PCDH11X: variants seen among roughly 807,000 people sequenced by gnomAD.
PCDH11X encodes the protein protocadherin-11 X-linked.
Under a neutral mutation model 53.3 loss-of-function variants are expected in PCDH11X, and 18 were observed. The ratio of observed to expected loss-of-function variants is 0.34; its 90% confidence interval spans 0.23 to 0.50. The LOEUF (loss-of-function observed/expected upper bound fraction) is 0.50. PCDH11X is among the 20% of genes least tolerant of loss of function. PCDH11X has a pLI of 0.98. For missense variants in PCDH11X, 570 were observed against 1,032.4 expected (o/e 0.55, Z 6.14); for synonymous variants, 279 against 393.3 (o/e 0.71, Z 3.44).
chrX:91,874,353 C>T (rs1939482866), intron 5 of PCDH11X, among the ~76,000 whole-genome samples: 1 of 109,908 alleles, frequency 9.1e-6, no homozygotes, highest in Non-Finnish European at 1.9e-5. Context: ...TGCTAATTTT[C>T]AAATATAAAT....
At chrX:92,223,125 A>T (rs1603207833) in intron 7 of PCDH11X, among the ~76,000 whole-genome samples, 1 of 112,504 alleles carries the variant, frequency 8.9e-6, no homozygotes, top group East Asian at 2.8e-4. Flanking sequence ...TGCTGGGATT[A>T]CAGGCGTGAG....
intron 6 of PCDH11X, among the ~76,000 whole-genome samples, chrX:92,198,807 T>C (rs1390244505): frequency 9.0e-6 from 1 of 111,498 alleles, no homozygotes; most frequent in Admixed American, 9.6e-5. Flanking sequence ...GAGAAATAAT[T>C]CTCACTTCTG....
At chrX:92,417,729 T>A (rs1330554148) in intron 9 of PCDH11X, among the ~76,000 whole-genome samples, 2 of 109,974 alleles carry the variant, frequency 1.8e-5, no homozygotes, top group Non-Finnish European at 3.8e-5. Context: ...GCTTAGCTAG[T>A]TGCCTAATGT....
At chrX:92,236,520 C>T (rs1327003795) in intron 7 of PCDH11X, among the ~76,000 whole-genome samples, 5 of 110,941 alleles carry the variant, frequency 4.5e-5, no homozygotes, top group Non-Finnish European at 9.5e-5. Context: ...ACCTTACTGC[C>T]TTGATGCTCC....
intron 10 of PCDH11X, among the ~76,000 whole-genome samples, chrX:92,473,350 C>T (rs1201803702): frequency 9.0e-6 from 1 of 111,398 alleles, no homozygotes; most frequent in Non-Finnish European, 1.9e-5. Context: ...TCTCTTTTCT[C>T]TTAGTCTGGC....
rs890836556 is a variant in PCDH11X, at chrX:91,984,183, C to T, written c.3033+104910C>T. On this transcript the variant is annotated intron_variant, in intron 6 of 10. Coordinates refer to ENST00000682573, the MANE Select transcript of PCDH11X (RefSeq NM_032968.5). ...AATTTTTACTCTACCTTATTGAAAC[C>T]GTTTTAATAGATTTTTACTCATTAG... Among the ~76,000 whole-genome samples, 3 of 95,284 alleles carry T rather than the reference C, an allele frequency of 3.1e-5. 1 individual carries two copies. Among genetic ancestry groups the T allele is most frequent in the Non-Finnish European group, 6.2e-5 (3 of 48,494 alleles). The allele number at this position is 95,284 out of a possible 115,157, so 82.7% of individuals were successfully genotyped here.
At chrX:92,007,768 C>T in intron 6 of PCDH11X, among the ~76,000 whole-genome samples, 1 of 112,179 alleles carries the variant, frequency 8.9e-6, no homozygotes, top group Non-Finnish European at 1.9e-5. Flanking sequence ...CACCTGGAGC[C>T]AGCCCATCTC....
intron 7 of PCDH11X, among the ~76,000 whole-genome samples, chrX:92,253,718 T>G (rs1040207972): frequency 8.9e-6 from 1 of 111,921 alleles, no homozygotes; most frequent in Admixed American, 9.5e-5. Flanking sequence ...ATGGGATTAC[T>G]TTTTTAATCT....
intron 7 of PCDH11X, among the ~76,000 whole-genome samples, chrX:92,232,950 C>G (rs1384803600): frequency 9.0e-6 from 1 of 111,516 alleles, no homozygotes; most frequent in Non-Finnish European, 1.9e-5. Context: ...CTCCCGACCT[C>G]CTGATCCGCC....
rs768464121 is a variant in PCDH11X at position 91,878,076 on chromosome X, G to C, written c.1836G>C (p.Glu612Asp). The part of the protein sequence containing the change: ...NSAVTLSILD[E>D]NDDFTIDSQT... ...CAGTTACGCTCTCCATTTTAGATGA[G>C]AATGATGACTTCACCATTGATTCAC... The change falls in exon 6 of 11, where the codon GAG becomes GAC. Residue 612 changes from glutamate to aspartate, a missense_variant. This residue lies in a region of PCDH11X where 226 missense variants were observed against 457.5 expected (regional missense o/e 0.49). Coordinates refer to ENST00000682573, the MANE Select transcript of PCDH11X (RefSeq NM_032968.5). 5.8e-6 allele frequency: 7 copies of C among 1,206,607 alleles called. No homozygotes were observed. Among genetic ancestry groups the C allele is most frequent in the South Asian group, 1.8e-5 (1 of 56,688 alleles).
At chrX:92,406,881 C>G (rs1378963573) in intron 9 of PCDH11X, among the ~76,000 whole-genome samples, 1 of 103,068 alleles carries the variant, frequency 9.7e-6, no homozygotes, top group Non-Finnish European at 2.0e-5. Flanking sequence ...AAGCCGAGAT[C>G]GCGCCACTGC....
At chrX:92,100,069 A>G (rs968885874) in intron 6 of PCDH11X, among the ~76,000 whole-genome samples, 3 of 111,788 alleles carry the variant, frequency 2.7e-5, no homozygotes, top group African/African-American at 9.7e-5. Context: ...TAGTTCATAT[A>G]TTTTCCCTTA....
chrX:92,286,415 G>A lies in PCDH11X; in HGVS notation c.3144+23272G>A, dbSNP rs1263148423. ...TTTGAAAAATAAAGTGAGAAGTTAA[G>A]CATTGTTCCTCTTAAGGTTTTAAAT... On this transcript the variant is annotated intron_variant, in intron 8 of 10. Coordinates refer to ENST00000682573, the MANE Select transcript of PCDH11X (RefSeq NM_032968.5). 5.1e-5 allele frequency among the ~76,000 whole-genome samples: 5 copies of A among 97,182 alleles called. No individual in the cohort carries two copies. In the South Asian group the frequency reaches 1.9e-3, roughly 38 times the overall value. The allele number at this position is 97,182 out of a possible 115,157, so 84.4% of individuals were successfully genotyped here.
intron 10 of PCDH11X, among the ~76,000 whole-genome samples, chrX:92,552,828 A>G (rs2074981324): frequency 1.8e-5 from 2 of 111,187 alleles, no homozygotes; most frequent in African/African-American, 6.5e-5. Flanking sequence ...TATATGATTT[A>G]TCACATTGAT....
At chrX:91,961,722 TCTC>T (rs1305448332) in intron 6 of PCDH11X, among the ~76,000 whole-genome samples, 4 of 104,841 alleles carry the variant, frequency 3.8e-5, no homozygotes, top group Non-Finnish European at 7.8e-5. Flanking sequence ...ATTAGTCTCT[TCTC>T]ATTCTGGTAA....
rs2066841577 is a variant in PCDH11X, at chrX:92,220,402, A to C, written c.3114+18947A>C. On this transcript the variant is annotated intron_variant, in intron 7 of 10. Transcript: ENST00000682573. ...AAGTGGGCAAAGGACATGAACAGACACTTCTCAAAAGAAGACATTTATGCA... is the reference window on the plus strand; with the variant it reads ...AAGTGGGCAAAGGACATGAACAGACCCTTCTCAAAAGAAGACATTTATGCA... Among the ~76,000 whole-genome samples, 4 of 99,978 alleles carry C rather than the reference A, an allele frequency of 4.0e-5. No homozygotes were observed. In the South Asian group the frequency reaches 2.1e-3, roughly 53 times the overall value. The allele number at this position is 99,978 out of a possible 115,157, so 86.8% of individuals were successfully genotyped here. A position where few individuals can be genotyped will look rare whatever the true frequency, so the allele number is the denominator to read the frequency against.
chrX:92,443,442 A>G (rs934500322), intron 9 of PCDH11X, among the ~76,000 whole-genome samples: 1 of 111,605 alleles, frequency 9.0e-6, no homozygotes, highest in Non-Finnish European at 1.9e-5. Context: ...TGAGATGCAT[A>G]GTTTGCAAAT....
intron 9 of PCDH11X, among the ~76,000 whole-genome samples, chrX:92,428,217 T>C (rs753416366): frequency 9.8e-4 from 109 of 110,874 alleles, no homozygotes; most frequent in African/African-American, 3.4e-3. Context: ...TTAGCATAAA[T>C]TGAACTGTGC....
chrX:92,594,395 A>G (rs1289573010), intron 10 of PCDH11X, among the ~76,000 whole-genome samples: 1 of 111,350 alleles, frequency 9.0e-6, no homozygotes, highest in Non-Finnish European at 1.9e-5. Flanking sequence ...ATTGTCAAGT[A>G]GAAAATTGTG....
Sources: gnomAD v4.1 joint callset for allele counts (sites outside exome capture counted in the v4.1 genomes callset) on GRCh38, gnomAD v4.1.1 for gene constraint, gnomAD v4.1.1 regional missense constraint, MANE v1.5 for transcripts, NCBI Gene and HGNC (gene_info 2026-07-23, HGNC 2026-07-21) for gene names.